Variants in CHL1 observed in about 807,000 individuals in gnomAD.
CHL1 encodes the protein neural cell adhesion molecule L1-like protein.
Under a neutral mutation model 141.9 loss-of-function variants are expected in CHL1, and 96 were observed. The observed-to-expected ratio is 0.68, with a 90% CI of 0.57 to 0.80. The LOEUF (loss-of-function observed/expected upper bound fraction) is 0.80, where lower values mean the gene tolerates loss of function less well. Ranked by LOEUF, CHL1 falls within the 30% of genes least tolerant of loss-of-function variation. The pLI is 0.00. For missense variants in CHL1, 1,820 were observed against 1,457.2 expected, an observed-to-expected ratio of 1.25 and a Z score of -4.05; for synonymous variants, 613 against 502.2, an observed-to-expected ratio of 1.22 and a Z score of -2.95.
chr3:238,894 T>C lies in CHL1; in HGVS notation c.-174-5719T>C, dbSNP rs575252636. Among the ~76,000 whole-genome samples the C allele has an allele frequency of 3.1e-4, 47 of 152,124 alleles. No individual in the cohort carries two copies. The South Asian group carries it at 9.4e-3, about 30-fold the overall frequency. On this transcript the variant is annotated intron_variant, in intron 1 of 27. Coordinates refer to ENST00000256509, the MANE Select transcript of CHL1 (RefSeq NM_006614.4). ...GTTGCAGTGAGCCAAAATCGCGCCA[T>C]TGCACTCCAGCCTGGGTGACAAGAG...
chr3:391,150 C>G lies in CHL1; in HGVS notation c.2782C>G (p.Pro928Ala), dbSNP rs1708195163. ...PESEPYIFQTPEGVPEQPTFL... is the reference protein window; with the variant it reads ...PESEPYIFQTAEGVPEQPTFL... ...AAGTGAGCCTTATATATTTCAAACA[C>G]CAGAAGGAGGTGAGAGGATAATGAT... The change falls in exon 22 of 28, where the codon CCA becomes GCA. Residue 928 changes from proline (P) to alanine (A), a missense_variant. Transcript: ENST00000256509. 1 of 1,607,816 alleles carries G rather than the reference C, an allele frequency of 6.2e-7. No individual in the cohort carries two copies. Among genetic ancestry groups the G allele is most frequent in the Non-Finnish European group, 8.5e-7 (1 of 1,174,584 alleles).
intron 1 of CHL1, among the ~76,000 whole-genome samples, chr3:214,773 G>A (rs542690904): frequency 1.2e-3 from 177 of 152,190 alleles, no homozygotes; most frequent in Middle Eastern, 6.8e-3. Context: ...AGTTCAATAG[G>A]AATAAGTCCT....
intron 5 of CHL1, among the ~76,000 whole-genome samples, chr3:331,654 A>G (rs1305505563): frequency 6.6e-6 from 1 of 152,220 alleles, no homozygotes; most frequent in Middle Eastern, 3.2e-3. Context: ...GGAAGAAAGT[A>G]CAAACAAAAA....
chr3:244,187 G>A (rs573001707), intron 1 of CHL1, among the ~76,000 whole-genome samples: 1 of 152,106 alleles, frequency 6.6e-6, no homozygotes, highest in African/African-American at 2.4e-5. Context: ...AGCTCTCCTC[G>A]TTTTGGTCCA....
chr3:226,854 T>A (rs1701401650), intron 1 of CHL1, among the ~76,000 whole-genome samples: 1 of 152,170 alleles, frequency 6.6e-6, no homozygotes, highest in Non-Finnish European at 1.5e-5. Context: ...TAAACAAGGA[T>A]CCTTTTCTAA....
At chr3:293,454 G>C in intron 2 of CHL1, among the ~76,000 whole-genome samples, 1 of 152,050 alleles carries the variant, frequency 6.6e-6, no homozygotes, top group Non-Finnish European at 1.5e-5. Context: ...AGTGGGCTGA[G>C]AGATCGAGCC....
chr3:313,849 C>T (rs116614798), intron 2 of CHL1, among the ~76,000 whole-genome samples: 193 of 152,254 alleles, frequency 1.3e-3, no homozygotes, highest in African/African-American at 4.2e-3. Context: ...TGTATACTAA[C>T]AGCTACCAAG....
intron 1 of CHL1, among the ~76,000 whole-genome samples, chr3:224,580 C>T (rs1310013361): frequency 6.6e-6 from 1 of 152,016 alleles, no homozygotes; most frequent in Non-Finnish European, 1.5e-5. Context: ...GTGCCTGCTC[C>T]AACTTTGCCT....
In CHL1 at chr3:354,766, T is replaced by C. The variant is rs1029771742; in HGVS notation, c.1160T>C (p.Val387Ala). The C allele has an allele frequency of 5.6e-6, 9 of 1,613,430 alleles. No individual in the cohort carries two copies. Among genetic ancestry groups the C allele is most frequent in the Non-Finnish European group, 7.6e-6 (9 of 1,179,706 alleles). ...TIKWRVNGSP[V>A]DNHPFAGDVV... ...AAGTGGAGAGTCAATGGCTCCCCAG[T>C]TGACAGTAAGTTTAAAAACCAATTG... is the stretch of plus-strand genomic sequence containing the variant. Residue 387 changes from valine to alanine, a missense_variant, in exon 11 of 28, where the codon GTT (valine) becomes GCT (alanine). By Grantham distance (64) the Val-to-Ala change is moderately conservative. Transcript: ENST00000256509.
chr3:202,271 A>G (rs1699021234), intron 1 of CHL1, among the ~76,000 whole-genome samples: 3 of 152,176 alleles, frequency 2.0e-5, no homozygotes, highest in South Asian at 2.1e-4. Flanking sequence ...ATCCTTCTAT[A>G]TCATGTTCAG....
intron 1 of CHL1, among the ~76,000 whole-genome samples, chr3:209,997 T>G (rs529153952): frequency 2.6e-5 from 4 of 152,324 alleles, no homozygotes; most frequent in Admixed American, 2.0e-4. Context: ...CATCATTTGT[T>G]TTGTTTAATT....
chr3:269,578 T>A (rs951969806), intron 2 of CHL1, among the ~76,000 whole-genome samples: 1 of 151,974 alleles, frequency 6.6e-6, no homozygotes, highest in Non-Finnish European at 1.5e-5. Flanking sequence ...CAGGCTGGAG[T>A]GCAATGGTAT....
Position 273,387 on chromosome 3 carries a change from A to G in CHL1, c.-95+28695A>G, listed in dbSNP as rs779135620. On this transcript the variant is annotated intron_variant, in intron 2 of 27. Transcript: ENST00000256509. ...TGAATCAATATGTTTTAGTTTAGCT[A>G]TGTTTTTCCACAAGCTCTTAAGCTC... Among the ~76,000 whole-genome samples, 6 of 152,150 alleles carry G rather than the reference A, an allele frequency of 3.9e-5. No individual in the cohort carries two copies. The South Asian group carries it at 1.0e-3, about 26-fold the overall frequency.
chr3:298,969 G>T (rs1214976947), intron 2 of CHL1, among the ~76,000 whole-genome samples: 1 of 152,174 alleles, frequency 6.6e-6, no homozygotes, highest in Non-Finnish European at 1.5e-5. Flanking sequence ...ACAATGCCGT[G>T]TTAAGGTGCT....
At chr3:304,428 G>A (rs1699043232) in intron 2 of CHL1, among the ~76,000 whole-genome samples, 1 of 152,162 alleles carries the variant, frequency 6.6e-6, no homozygotes, top group Admixed American at 6.5e-5. Context: ...ACTTGTTATT[G>A]TTTTATTCGG....
intron 16 of CHL1, among the ~76,000 whole-genome samples, chr3:378,518 A>G (rs1706628071): frequency 6.6e-6 from 1 of 152,186 alleles, no homozygotes; most frequent in African/African-American, 2.4e-5. Flanking sequence ...TCCTGAAATC[A>G]CCAATGTTTA....
In CHL1 at chr3:377,939, C is replaced by A. The variant is rs1424770076; in HGVS notation, c.1873C>A (p.Leu625Ile). The part of the protein sequence containing the change: ...SAADITQVTV[L>I]DVPDPPENLH... ...TGCCGATATAACTCAAGTAACTGTT[C>A]TTGGTAAGTGCACTAACTAATGAGA... is the stretch of plus-strand genomic sequence containing the variant. Residue 625 changes from leucine (L) to isoleucine (I), a missense_variant, in exon 16 of 28, where the codon CTT (leucine) becomes ATT (isoleucine). Physicochemically the swap from Leu to Ile is conservative, Grantham distance 5. Transcript: ENST00000256509. 2 of 1,603,490 alleles carry A rather than the reference C, an allele frequency of 1.2e-6. No homozygotes were observed. The highest frequency in any genetic ancestry group is 8.5e-7 in the Non-Finnish European group (1 of 1,176,844).
At chr3:357,277 G>T (rs1292376551) in intron 11 of CHL1, among the ~76,000 whole-genome samples, 2 of 152,282 alleles carry the variant, frequency 1.3e-5, no homozygotes, top group African/African-American at 4.8e-5. Flanking sequence ...CAGAGTGTTG[G>T]CTAGAGGATT....
At chr3:325,906 A>T (rs1011283483) in intron 3 of CHL1, 53 bp from the exon 4 acceptor site, 24 of 1,240,084 alleles carry the variant, frequency 1.9e-5, no homozygotes, top group Non-Finnish European at 2.7e-5. Context: ...CTATAGATTA[A>T]CCTTGCCTGC....
Sources: allele counts gnomAD v4.1 joint callset (sites outside exome capture counted in the v4.1 genomes callset), GRCh38; gene constraint gnomAD v4.1.1; transcripts MANE v1.5; gene names NCBI Gene and HGNC (gene_info 2026-07-23, HGNC 2026-07-21).